Variants in SLC12A2 observed in about 807,000 individuals in gnomAD.
SLC12A2 encodes Na-K-2Cl cotransporter 1.
In SLC12A2, 67 loss-of-function variants were observed where a neutral mutation model predicts 136.3. The ratio of observed to expected loss-of-function variants is 0.49; its 90% CI spans 0.40 to 0.60. The LOEUF (loss-of-function observed/expected upper bound fraction) is 0.60, where lower values mean the gene tolerates loss of function less well. SLC12A2 is among the 20% of genes least tolerant of loss of function. The pLI is 0.00. For missense variants in SLC12A2, 1,322 were observed against 1,534.7 expected, an observed-to-expected ratio of 0.86 and a Z score of 2.32; for synonymous variants, 619 against 562.9, an observed-to-expected ratio of 1.10 and a Z score of -1.41.
intron 10 of SLC12A2, among the ~76,000 whole-genome samples, chr5:128,142,442 T>A (rs1443513469): frequency 2.0e-5 from 3 of 151,994 alleles, no homozygotes; most frequent in African/African-American, 7.3e-5. Flanking sequence ...AATATCTAAT[T>A]GGACAAACTA....
chr5:128,153,803 T>G (rs914419901), intron 15 of SLC12A2, among the ~76,000 whole-genome samples: 4 of 152,142 alleles, frequency 2.6e-5, no homozygotes, highest in African/African-American at 9.7e-5. Context: ...TATTTTTTTG[T>G]TACTCTTTTG....
chr5:128,172,969 AC>A, intron 19 of SLC12A2, among the ~76,000 whole-genome samples: 1 of 151,680 alleles, frequency 6.6e-6, no homozygotes, highest in African/African-American at 2.4e-5. Flanking sequence ...AAAACAAAAA[AC>A]AAAAAACAAA....
intron 4 of SLC12A2, among the ~76,000 whole-genome samples, chr5:128,129,698 G>A (rs1761945049): frequency 6.6e-6 from 1 of 152,040 alleles, no homozygotes; most frequent in Admixed American, 6.6e-5. Flanking sequence ...CAAATATTCA[G>A]CTGTTTAATG....
intron 10 of SLC12A2, among the ~76,000 whole-genome samples, chr5:128,144,155 A>T (rs1276362487): frequency 6.6e-6 from 1 of 152,140 alleles, no homozygotes; most frequent in Non-Finnish European, 1.5e-5. Flanking sequence ...TGAAAATGCC[A>T]GTCAGATTTC....
At chr5:128,114,751 T>A (rs1406629961) in intron 4 of SLC12A2, 70 bp downstream of exon 4, 1 of 987,270 alleles carries the variant, frequency 1.0e-6, no homozygotes, top group Non-Finnish European at 1.6e-6. Context: ...ATTGTATTTT[T>A]AATTATTTTT....
chr5:128,113,923 T>C (rs1293886466), intron 2 of SLC12A2, among the ~76,000 whole-genome samples: 2 of 152,150 alleles, frequency 1.3e-5, no homozygotes, highest in Non-Finnish European at 2.9e-5. Flanking sequence ...AAATATATCT[T>C]GTATCTTTCT....
chr5:128,130,833 A>G (rs1475085067), intron 4 of SLC12A2, among the ~76,000 whole-genome samples: 1 of 152,148 alleles, frequency 6.6e-6, no homozygotes, highest in African/African-American at 2.4e-5. Context: ...TTCAAATAGG[A>G]TGATTTTATA....
intron 4 of SLC12A2, 84 bp from the exon 5 acceptor site, chr5:128,130,983 A>T: frequency 7.5e-7 from 1 of 1,327,248 alleles, no homozygotes; most frequent in African/African-American, 1.5e-5. Flanking sequence ...CTGCTTTGTG[A>T]ATTCATGTAT....
intron 1 of SLC12A2, among the ~76,000 whole-genome samples, chr5:128,109,187 C>A (rs899146870): frequency 2.2e-4 from 33 of 152,146 alleles, no homozygotes; most frequent in Admixed American, 1.5e-3. Context: ...AAATAATTTT[C>A]AAAAAATATA....
intron 17 of SLC12A2, among the ~76,000 whole-genome samples, chr5:128,162,502 C>G (rs908627813): frequency 6.6e-6 from 1 of 151,842 alleles, no homozygotes; most frequent in Non-Finnish European, 1.5e-5. Flanking sequence ...AATTCTAAAA[C>G]AATTTTATGA....
chr5:128,129,830 G>T (rs894727281), intron 4 of SLC12A2, among the ~76,000 whole-genome samples: 1 of 152,038 alleles, frequency 6.6e-6, no homozygotes, highest in African/African-American at 2.4e-5. Context: ...ATTTAAATTA[G>T]AATTTTAAAA....
chr5:128,164,910 G>A, intron 17 of SLC12A2, among the ~76,000 whole-genome samples: 1 of 143,276 alleles, frequency 7.0e-6, no homozygotes, highest in East Asian at 2.0e-4. Flanking sequence ...TGCAGTAGCT[G>A]TAGCTGACTG....
intron 22 of SLC12A2, among the ~76,000 whole-genome samples, chr5:128,180,535 A>G (rs935719814): frequency 6.6e-6 from 1 of 152,158 alleles, no homozygotes; most frequent in Non-Finnish European, 1.5e-5. Context: ...TCAAAAAGCA[A>G]TTTCAGTCCA....
At chr5:128,110,698 C>T in intron 1 of SLC12A2, 1 of 1,422,716 alleles carries the variant, frequency 7.0e-7, no homozygotes. Flanking sequence ...AGCTCTGCAG[C>T]CCTGGAAACA....
intron 1 of SLC12A2, among the ~76,000 whole-genome samples, chr5:128,102,959 G>A (rs1469922529): frequency 6.6e-6 from 1 of 151,974 alleles, no homozygotes; most frequent in Non-Finnish European, 1.5e-5. Context: ...TTCTTCGATT[G>A]TATGAATATT....
rs373411636 is a variant in SLC12A2 at position 128,152,769 on chromosome 5, G to A, written c.2327G>A (p.Arg776His). 1.5e-5 allele frequency: 24 copies of A among 1,613,480 alleles called. No homozygotes were observed. The African/African-American group carries it at 1.7e-4, about 12-fold the overall frequency. The change falls in exon 15 of 27, where the codon CGT becomes CAT. Residue 776 changes from arginine (R) to histidine (H), a missense_variant. Coordinates refer to ENST00000262461, the MANE Select transcript of SLC12A2 (RefSeq NM_001046.3). ...TYLNALQHSIRLSGVEDHVKN... is the reference protein window; with the variant it reads ...TYLNALQHSIHLSGVEDHVKN... ...CTGAATGCACTGCAGCATTCAATTC[G>A]TCTTTCTGGAGTGGAAGACCACGTG...
chr5:128,141,408 C>T (rs1201232791), intron 9 of SLC12A2, among the ~76,000 whole-genome samples: 1 of 151,936 alleles, frequency 6.6e-6, no homozygotes, highest in Non-Finnish European at 1.5e-5. Context: ...AGTGGTATTA[C>T]CTGAAGTCTG....
intron 24 of SLC12A2, 31 bp from the exon 25 acceptor site, chr5:128,184,335 T>A: frequency 7.5e-7 from 1 of 1,335,194 alleles, no homozygotes. Flanking sequence ...AAAATAAGAT[T>A]AGTTGTCAGT....
chr5:128,152,556 T>TATAC (rs1762737938), intron 14 of SLC12A2, 150 bp from the exon 15 acceptor site: 1 of 612,634 alleles, frequency 1.6e-6, no homozygotes, highest in Non-Finnish European at 3.0e-6. Context: ...AATATCTTGC[T>TATAC]GTATATGTGA....
Sources: allele counts gnomAD v4.1 joint callset (sites outside exome capture counted in the v4.1 genomes callset), GRCh38; gene constraint gnomAD v4.1.1; transcripts MANE v1.5; gene names NCBI Gene and HGNC (gene_info 2026-07-23, HGNC 2026-07-21).